Variants in SAFB2 observed in about 807,000 individuals in gnomAD.
SAFB2 encodes the protein scaffold attachment factor B2.
In SAFB2, 32 loss-of-function variants were observed where a neutral mutation model predicts 100.6. The observed-to-expected ratio is 0.32, with a 90% CI of 0.24 to 0.43. The LOEUF is 0.43. SAFB2 is among the 20% of genes least tolerant of loss of function. The probability of loss-of-function intolerance (pLI) is 1.00; values close to 1 mark genes in which losing one functional copy is unlikely to be tolerated. For synonymous variants in SAFB2, 500 were observed against 439.4 expected (o/e 1.14, Z -1.72); for missense variants, 1,185 against 1,163.4 (o/e 1.02, Z -0.27).
In SAFB2 at chr19:5,600,110, T is replaced by C; in HGVS notation, c.1690+20A>G. The C allele has an allele frequency of 6.2e-7, 1 of 1,604,080 alleles. No homozygotes were observed. The highest frequency in any genetic ancestry group is 8.5e-7 in the Non-Finnish European group (1 of 1,177,252). On this transcript the variant is annotated intron_variant, in intron 12 of 20. Transcript: ENST00000252542. ...GTGCCAGGCCTTCCCCTTCCACAGC[T>C]CTTAAAAGGCTCTCCTCACCTGATT...
intron 18 of SAFB2, among the ~76,000 whole-genome samples, chr19:5,589,358 T>A (rs1457443212): frequency 6.6e-6 from 1 of 151,988 alleles, no homozygotes; most frequent in African/African-American, 2.4e-5. Flanking sequence ...AAGCTTCGGG[T>A]GTCCTGGGAC....
chr19:5,594,194 AG>A lies in SAFB2; in HGVS notation c.1920-17del. ...CTCGCGCTCCCTGCGGGGACAGGTG[AG>A]GCTGCCCTGAACTCCCTGCGTGAGC... On this transcript the variant is annotated splice_polypyrimidine_tract_variant and intron_variant, in intron 14 of 20. Transcript: ENST00000252542. The A allele has an allele frequency of 6.4e-7, 1 of 1,572,586 alleles. No individual in the cohort carries two copies. The highest frequency in any genetic ancestry group is 8.6e-7 in the Non-Finnish European group (1 of 1,166,630).
In SAFB2 at chr19:5,621,321, T is replaced by C; in HGVS notation, c.262A>G (p.Arg88Gly). The C allele has an allele frequency of 6.2e-7, 1 of 1,611,240 alleles. No homozygotes were observed. Among genetic ancestry groups the C allele is most frequent in the Non-Finnish European group, 8.5e-7 (1 of 1,177,396 alleles). ...LEATSKKSAK[R>G]CVKGLKMEEE... ...ATATGTACAATACCTTTAACACATC[T>C]CTTGGCTGACTTCTTGCTGGTGGCT... The change falls in exon 2 of 21, where the codon AGA (arginine) becomes GGA (glycine). Residue 88 changes from arginine (R) to glycine (G), a missense_variant. Physicochemically the swap from Arg to Gly is moderately radical, Grantham distance 125. Around this residue, in one of 3 missense-constraint regions of SAFB2, gnomAD observed 351 missense variants for 341.2 expected, o/e 1.03. Coordinates refer to ENST00000252542, the MANE Select transcript of SAFB2 (RefSeq NM_014649.3).
At position 5,604,518 on chromosome 19, in the gene SAFB2, C is replaced by A. The variant is rs540953280; in HGVS notation, c.1559+65G>T. 156 of 1,214,234 alleles carry A rather than the reference C, an allele frequency of 1.3e-4. 3 individuals carry two copies. In the South Asian group the frequency reaches 2.0e-3, roughly 15 times the overall value. The allele number at this position is 1,214,234 out of a possible 1,614,324, so 75.2% of individuals were successfully genotyped here. ...GGGGACAGATGCGTGTTTTTCAAGG[C>A]CCATGGTGGCTGCCCGTGCCCTCCT... is the stretch of plus-strand genomic sequence containing the variant. On this transcript the variant is annotated intron_variant, in intron 11 of 20. Transcript: ENST00000252542.
intron 9 of SAFB2, among the ~76,000 whole-genome samples, chr19:5,606,438 C>A (rs527363043): frequency 6.6e-6 from 1 of 152,214 alleles, no homozygotes; most frequent in South Asian, 2.1e-4. Flanking sequence ...CCAGCCTGGG[C>A]AACACAGAGA....
chr19:5,612,341 T>C (rs938475101), intron 6 of SAFB2, 199 bp downstream of exon 6: 2 of 611,072 alleles, frequency 3.3e-6, no homozygotes, highest in African/African-American at 1.9e-5. Context: ...CCAAATGTAT[T>C]TGACCTCAAG....
chr19:5,598,280 G>A (rs2052574921), intron 13 of SAFB2, among the ~76,000 whole-genome samples: 1 of 151,992 alleles, frequency 6.6e-6, no homozygotes, highest in Non-Finnish European at 1.5e-5. Flanking sequence ...GGTTTTTATT[G>A]TTTCCCAGAG....
At chr19:5,599,148 A>G (rs1345863103) in intron 12 of SAFB2, among the ~76,000 whole-genome samples, 1 of 152,110 alleles carries the variant, frequency 6.6e-6, no homozygotes, top group Non-Finnish European at 1.5e-5. Context: ...CACGCACACA[A>G]GCACGGCCAT....
intron 8 of SAFB2, 161 bp downstream of exon 8, chr19:5,610,478 C>A (rs1599266146): frequency 9.3e-6 from 6 of 643,788 alleles, no homozygotes; most frequent in South Asian, 3.6e-5. Context: ...CAGGTGCTTG[C>A]GAACTTCTAA....
chr19:5,598,533 C>G, intron 13 of SAFB2: 1 of 496,890 alleles, frequency 2.0e-6, no homozygotes, highest in South Asian at 2.2e-5. Flanking sequence ...TGGTGAGCTG[C>G]CGTGTGAACC....
At position 5,593,988 on chromosome 19, in the gene SAFB2, G is replaced by C. The variant is rs1372049591; in HGVS notation, c.2110C>G (p.Arg704Gly). The C allele has an allele frequency of 1.3e-6, 2 of 1,556,928 alleles. No individual in the cohort carries two copies. The highest frequency in any genetic ancestry group is 1.7e-6 in the Non-Finnish European group (2 of 1,158,274). Residue 704 changes from arginine to glycine, a missense_variant, in exon 15 of 21, where the codon CGC (arginine) becomes GGC (glycine). Coordinates refer to ENST00000252542, the MANE Select transcript of SAFB2 (RefSeq NM_014649.3). ...AGCTCCTCGCGCTCGCGGTGGATGC[G>C]CTCCTGCTCCTTCCTGCGCTCACGC... ...VERERRKEQE[R>G]IHREREELRR...
chr19:5,596,916 C>A (rs564648995), intron 13 of SAFB2, among the ~76,000 whole-genome samples: 1 of 152,290 alleles, frequency 6.6e-6, no homozygotes, highest in East Asian at 1.9e-4. Flanking sequence ...AACAAACCAA[C>A]CCAACAGAAA....
intron 9 of SAFB2, among the ~76,000 whole-genome samples, chr19:5,605,521 C>T (rs2052757005): frequency 6.6e-6 from 1 of 152,178 alleles, no homozygotes; most frequent in African/African-American, 2.4e-5. Context: ...AAGTCCTACC[C>T]ATCCACATTG....
At chr19:5,618,074 C>G (rs1032175067) in intron 2 of SAFB2, among the ~76,000 whole-genome samples, 1 of 152,148 alleles carries the variant, frequency 6.6e-6, no homozygotes, top group African/African-American at 2.4e-5. Context: ...AGCCTGAGAG[C>G]TTGAGGCTGC....
At chr19:5,594,302 T>C in intron 14 of SAFB2, 124 bp from the exon 15 acceptor site, 3 of 1,260,516 alleles carry the variant, frequency 2.4e-6, no homozygotes, top group Non-Finnish European at 3.2e-6. Flanking sequence ...CTCACCGGGC[T>C]TCCCTAAAGC....
chr19:5,594,054 T>A lies in SAFB2; in HGVS notation c.2044A>T (p.Met682Leu). ...TCGCGCTCCAGCCGCTCCCGCTCCA[T>A]GCGCTCCCGCTCCAGCCGCTGGCGC... ...CQRQRLERER[M>L]ERERLERERM... is the part of the protein sequence containing the mutation. Residue 682 changes from methionine to leucine, a missense_variant, in exon 15 of 21, where the codon ATG (methionine) becomes TTG (leucine). Coordinates refer to ENST00000252542, the MANE Select transcript of SAFB2 (RefSeq NM_014649.3). 6.3e-7 allele frequency: 1 copy of A among 1,586,136 alleles called. No individual in the cohort carries two copies.
chr19:5,590,015 C>T (rs971335447), intron 18 of SAFB2, among the ~76,000 whole-genome samples: 1 of 152,174 alleles, frequency 6.6e-6, no homozygotes, highest in Non-Finnish European at 1.5e-5. Flanking sequence ...GAGACATTCA[C>T]AACTGCAGGC....
chr19:5,594,541 C>T lies in SAFB2; in HGVS notation c.1920-363G>A, dbSNP rs1018551936. The stretch of plus-strand genomic sequence containing the variant: ...GGACAAGCCTCCTTCAAGACCACAG[C>T]CCAGAAGGGAGCCGCGGCAAAATGA... On this transcript the variant is annotated intron_variant, in intron 14 of 20. Coordinates refer to ENST00000252542, the MANE Select transcript of SAFB2 (RefSeq NM_014649.3). 2.0e-5 allele frequency among the ~76,000 whole-genome samples: 3 copies of T among 152,186 alleles called. No homozygotes were observed. In the East Asian group the frequency reaches 5.8e-4, roughly 29 times the overall value.
chr19:5,599,594 T>C (rs750985653), intron 12 of SAFB2, among the ~76,000 whole-genome samples: 9 of 147,908 alleles, frequency 6.1e-5, no homozygotes, highest in Non-Finnish European at 1.2e-4. Flanking sequence ...TGGAGTTGGC[T>C]TATTTTTTTT....
Sources: gnomAD v4.1 joint callset for allele counts (sites outside exome capture counted in the v4.1 genomes callset) on GRCh38, gnomAD v4.1.1 for gene constraint, gnomAD v4.1.1 regional missense constraint, MANE v1.5 for transcripts, NCBI Gene and HGNC (gene_info 2026-07-23, HGNC 2026-07-21) for gene names.